Variants in SLC12A5 observed in about 807,000 individuals in gnomAD.
SLC12A5 encodes the protein K-Cl cotransporter 2.
In SLC12A5, 18 loss-of-function variants were observed where a neutral mutation model predicts 124.0. The ratio of observed to expected loss-of-function variants is 0.15; its 90% CI spans 0.10 to 0.22. SLC12A5 has a LOEUF of 0.22. SLC12A5 is among the 10% of genes least tolerant of loss of function. The probability of loss-of-function intolerance (pLI) is 1.00; values close to 1 mark genes in which losing one functional copy is unlikely to be tolerated. For synonymous variants in SLC12A5, 589 were observed against 568.0 expected (o/e 1.04, Z -0.53); for missense variants, 867 against 1,478.7 (o/e 0.59, Z 6.78).
chr20:46,056,100 A>G lies in SLC12A5; in HGVS notation c.2788-50A>G. ...CTCTGGTGATAGCTCTTTGCAGGGC[A>G]TGGGTGGTGACTCCCAGCAGAGCTG... On this transcript the variant is annotated intron_variant, in intron 21 of 25. Transcript: ENST00000243964. The surrounding 1 kb of genome is among the most constrained non-coding windows in gnomAD (Gnocchi z 4.3). The G allele has an allele frequency of 2.5e-6, 4 of 1,609,442 alleles. No individual in the cohort carries two copies. Among genetic ancestry groups the G allele is most frequent in the Non-Finnish European group, 2.5e-6 (3 of 1,177,698 alleles).
intron 21 of SLC12A5, chr20:46,055,781 T>C (rs951061053): frequency 4.1e-6 from 1 of 246,544 alleles, no homozygotes; most frequent in Non-Finnish European, 8.0e-6. Context: ...GGTACCACTT[T>C]GAGATGGGAA....
intron 7 of SLC12A5, chr20:46,040,952 A>T (rs888732482): frequency 1.7e-5 from 7 of 411,828 alleles, no homozygotes; most frequent in Non-Finnish European, 3.1e-5. Flanking sequence ...CTGGAATGGG[A>T]CAATCTCCTA....
At position 46,037,319 on chromosome 20, in the gene SLC12A5, C is replaced by T; in HGVS notation, c.546C>T (p.Leu182=). 1 of 1,613,478 alleles carries T rather than the reference C, an allele frequency of 6.2e-7. No individual in the cohort carries two copies. The highest frequency in any genetic ancestry group is 8.5e-7 in the Non-Finnish European group (1 of 1,179,592). The change falls in exon 6 of 26, where the codon CTC becomes CTT. Residue 182 remains leucine, a synonymous_variant. Coordinates refer to ENST00000243964, the MANE Select transcript of SLC12A5 (RefSeq NM_020708.5). The part of the protein sequence containing the change: ...LGPEFGGAVG[L]CFYLGTTFAG... Reference sequence around the variant, plus strand: ...CAGAGTTTGGGGGTGCCGTGGGCCTCTGCTTCTACCTGGGCACTACCTTTG... The same window carrying T: ...CAGAGTTTGGGGGTGCCGTGGGCCTTTGCTTCTACCTGGGCACTACCTTTG...
At chr20:46,035,145 C>T in intron 2 of SLC12A5, 103 bp downstream of exon 2, 15 of 1,227,838 alleles carry the variant, frequency 1.2e-5, no homozygotes, top group Non-Finnish European at 1.8e-5. Flanking sequence ...CGTCTCCACC[C>T]CTCCCTTGAG....
chr20:46,055,875 T>C (rs942856063), intron 21 of SLC12A5: 7 of 442,566 alleles, frequency 1.6e-5, no homozygotes, highest in Admixed American at 1.2e-4. Flanking sequence ...ACCAGTGGAC[T>C]GAGGACTGAC....
Position 46,041,317 on chromosome 20 carries a change from T to G in SLC12A5, c.855-12T>G. Reference sequence around the variant, plus strand: ...GTGGCTCCCCACCTTCCTCCCTTGTTTCTCTCCCTAGGATCTGCCTCCTGG... The same window carrying G: ...GTGGCTCCCCACCTTCCTCCCTTGTGTCTCTCCCTAGGATCTGCCTCCTGG... On this transcript the variant is annotated splice_polypyrimidine_tract_variant and intron_variant, in intron 7 of 25. Coordinates refer to ENST00000243964, the MANE Select transcript of SLC12A5 (RefSeq NM_020708.5). The G allele has an allele frequency of 6.2e-7, 1 of 1,613,438 alleles. No individual in the cohort carries two copies. Among genetic ancestry groups the G allele is most frequent in the East Asian group, 2.2e-5 (1 of 44,884 alleles).
Position 46,056,440 on chromosome 20 carries a change from G to A in SLC12A5, c.2986G>A (p.Glu996Lys), listed in dbSNP as rs756121150. 2 of 1,614,108 alleles carry A rather than the reference G, an allele frequency of 1.2e-6. No homozygotes were observed. Among genetic ancestry groups the A allele is most frequent in the East Asian group, 2.2e-5 (1 of 44,876 alleles). Residue 996 changes from glutamate (E) to lysine (K), a missense_variant, in exon 23 of 26, where the codon GAA (glutamate) becomes AAA (lysine). Physicochemically the swap from Glu to Lys is moderately conservative, Grantham distance 56. Transcript: ENST00000243964. This position sits in a 1 kb window ranked among gnomAD's most constrained non-coding sequence, Gnocchi z 4.3. The stretch of plus-strand genomic sequence containing the variant: ...GTCCCCAGGGGAGGAGCCTGAGGGG[G>A]AAGGGGAGACAGATCCGGAGAAGGT... ...SPSPGEEPEG[E>K]GETDPEKVHL...
upstream of SLC12A5, chr20:46,029,081 T>TC: frequency 7.8e-7 from 1 of 1,280,880 alleles, no homozygotes; most frequent in Non-Finnish European, 9.9e-7. Context: ...CCTCCCGCTC[T>TC]CCCCCCAAAA....
chr20:46,053,786 C>CT lies in SLC12A5; in HGVS notation c.2679+78dup, dbSNP rs2084666310. ...GGCCCCAGCACCAAGTAGGGCAACT[C>CT]TAACACCCATCAGCTTATGATGCTG... On this transcript the variant is annotated intron_variant, in intron 20 of 25. Coordinates refer to ENST00000243964, the MANE Select transcript of SLC12A5 (RefSeq NM_020708.5). This position sits in a 1 kb window ranked among gnomAD's most constrained non-coding sequence, Gnocchi z 4.7. 4 of 1,442,032 alleles carry CT rather than the reference C, an allele frequency of 2.8e-6. No individual in the cohort carries two copies. The East Asian group carries it at 7.2e-5, about 26-fold the overall frequency. 89.3% of individuals were successfully genotyped at this position (1,442,032 alleles called of 1,614,324 possible). A position where few individuals can be genotyped will look rare whatever the true frequency, so the allele number is the denominator to read the frequency against.
intron 9 of SLC12A5, 128 bp downstream of exon 9, chr20:46,043,451 C>T: frequency 2.3e-6 from 3 of 1,306,074 alleles, no homozygotes; most frequent in Non-Finnish European, 2.1e-6. Flanking sequence ...TTTCACTTCC[C>T]ATTGGAGAGA....
In SLC12A5 at chr20:46,057,262, A is replaced by G. The variant is rs1402047500; in HGVS notation, c.3218A>G (p.Asn1073Ser). The change falls in exon 25 of 26, where the codon AAC becomes AGC. Residue 1073 changes from asparagine (N) to serine (S), a missense_variant. Coordinates refer to ENST00000243964, the MANE Select transcript of SLC12A5 (RefSeq NM_020708.5). This position sits in a 1 kb window ranked among gnomAD's most constrained non-coding sequence, Gnocchi z 7.1. ...CGGGACGCCAAGCTTGTTTTGCTCAACATGCCTGGGCCTCCCCGCAACCGC... is the reference window on the plus strand; with the variant it reads ...CGGGACGCCAAGCTTGTTTTGCTCAGCATGCCTGGGCCTCCCCGCAACCGC... ...KSRDAKLVLL[N>S]MPGPPRNRNG... 6.2e-7 allele frequency: 1 copy of G among 1,614,208 alleles called. No homozygotes were observed. The highest frequency in any genetic ancestry group is 1.7e-5 in the Admixed American group (1 of 60,028).
At position 46,045,552 on chromosome 20, in the gene SLC12A5, T is replaced by TA. The variant is rs11405083; in HGVS notation, c.1570-316dup. Among the ~76,000 whole-genome samples, 4,288 of 148,258 alleles carry TA rather than the reference T, an allele frequency of 0.029. 149 individuals are homozygous for TA. Among genetic ancestry groups the TA allele is most frequent in the Admixed American group, 0.11 (1,663 of 14,922 alleles). On this transcript the variant is annotated intron_variant, in intron 12 of 25. Coordinates refer to ENST00000243964, the MANE Select transcript of SLC12A5 (RefSeq NM_020708.5). The surrounding 1 kb of genome is among the most constrained non-coding windows in gnomAD (Gnocchi z 4.9). Reference sequence around the variant, plus strand: ...AAAAGGGTAGCTTTTACCATGGTGCTAAAAAAAAAAGACGGATGGAGCACA... The same window carrying TA: ...AAAAGGGTAGCTTTTACCATGGTGCTAAAAAAAAAAAGACGGATGGAGCACA...
rs1193376024 is a variant in SLC12A5 at position 46,045,237 on chromosome 20, C to T, written c.1569+97C>T. Reference sequence around the variant, plus strand: ...ACCCAGGGCCATAACCAGCCTTAGACTACCTCCTGGGCCACTTCTGCTCTG... The same window carrying T: ...ACCCAGGGCCATAACCAGCCTTAGATTACCTCCTGGGCCACTTCTGCTCTG... On this transcript the variant is annotated intron_variant, in intron 12 of 25. Coordinates refer to ENST00000243964, the MANE Select transcript of SLC12A5 (RefSeq NM_020708.5). This position sits in a 1 kb window ranked among gnomAD's most constrained non-coding sequence, Gnocchi z 4.9. 1 of 1,389,616 alleles carries T rather than the reference C, an allele frequency of 7.2e-7. No homozygotes were observed. The highest frequency in any genetic ancestry group is 1.4e-5 in the African/African-American group (1 of 69,252). 86.1% of individuals were successfully genotyped at this position (1,389,616 alleles called of 1,614,324 possible).
chr20:46,054,810 C>T (rs111601077), intron 20 of SLC12A5, 106 bp from the exon 21 acceptor site: 234 of 743,702 alleles, frequency 3.1e-4, no homozygotes, highest in Non-Finnish European at 4.7e-4. Context: ...GCCAGAAGGA[C>T]GGGGGCCTTC....
At chr20:46,032,073 C>T (rs1568857062) in intron 1 of SLC12A5, among the ~76,000 whole-genome samples, 1 of 152,246 alleles carries the variant, frequency 6.6e-6, no homozygotes. Flanking sequence ...CCTACCTAGC[C>T]GCCCTCTCCC....
chr20:46,035,802 G>A lies in SLC12A5; in HGVS notation c.305G>A (p.Gly102Asp), dbSNP rs1344934837. ...VQAPRMGTFM[G>D]VYLPCLQNIF... ...GCCCCACGCATGGGCACCTTCATGGGCGTGTACCTGCCGTGCCTGCAGAAC... is the reference window on the plus strand; with the variant it reads ...GCCCCACGCATGGGCACCTTCATGGACGTGTACCTGCCGTGCCTGCAGAAC... The change falls in exon 4 of 26, where the codon GGC (glycine) becomes GAC (aspartate). Residue 102 changes from glycine (G) to aspartate (D), a missense_variant. Physicochemically the swap from Gly to Asp is moderately conservative, Grantham distance 94 (BLOSUM62 -1). Transcript: ENST00000243964. 6.2e-7 allele frequency: 1 copy of A among 1,613,914 alleles called. No individual in the cohort carries two copies. Among genetic ancestry groups the A allele is most frequent in the African/African-American group, 1.3e-5 (1 of 74,932 alleles).
chr20:46,035,105 TCTCC>T, intron 2 of SLC12A5, 63 bp downstream of exon 2: 13 of 1,525,378 alleles, frequency 8.5e-6, no homozygotes, highest in Admixed American at 1.7e-5. Flanking sequence ...TCAGCTGCTC[TCTCC>T]CTCCCTCCCT....
rs145933127 is a variant in SLC12A5, at chr20:46,035,135, C to T, written c.147+93C>T. 2.0e-4 allele frequency: 251 copies of T among 1,273,446 alleles called. 2 individuals carry two copies. The Middle Eastern group carries it at 2.9e-3, about 14-fold the overall frequency. The allele number at this position is 1,273,446 out of a possible 1,614,324, so 78.9% of individuals were successfully genotyped here. ...CTCCCTCCCTAGGGAGCAATACCCT[C>T]GTCTCCACCCCTCCCTTGAGTCTAC... On this transcript the variant is annotated intron_variant, in intron 2 of 25. Coordinates refer to ENST00000243964, the MANE Select transcript of SLC12A5 (RefSeq NM_020708.5).
chr20:46,053,522 G>A lies in SLC12A5; in HGVS notation c.2548-56G>A, dbSNP rs2145504154. ...GGGTGAGCGGACAGGGCCTGGCCCT[G>A]GATCTCCTCATCACATCTGGGCTGG... On this transcript the variant is annotated intron_variant, in intron 19 of 25. Transcript: ENST00000243964. The surrounding 1 kb of genome is among the most constrained non-coding windows in gnomAD (Gnocchi z 4.7). 6.2e-7 allele frequency: 1 copy of A among 1,605,942 alleles called. No individual in the cohort carries two copies. The highest frequency in any genetic ancestry group is 8.5e-7 in the Non-Finnish European group (1 of 1,177,188).
Sources: allele counts gnomAD v4.1 joint callset (sites outside exome capture counted in the v4.1 genomes callset), GRCh38; gene constraint gnomAD v4.1.1; non-coding constraint Gnocchi (gnomAD v3.1); transcripts MANE v1.5; gene names NCBI Gene and HGNC (gene_info 2026-07-23, HGNC 2026-07-21).